Variants in ASPM observed in about 807,000 individuals in gnomAD.
ASPM encodes the protein abnormal spindle-like microcephaly-associated protein.
A neutral mutation model predicts 366.4 loss-of-function variants in ASPM; 256 were observed. The ratio of observed to expected loss-of-function variants is 0.70; its 90% confidence interval spans 0.63 to 0.77. ASPM has a LOEUF of 0.77. ASPM is among the 30% of genes least tolerant of loss of function. The pLI, the probability that ASPM is intolerant of heterozygous loss-of-function variation, is 0.00. For synonymous variants in ASPM, 1,414 were observed against 1,342.9 expected, an observed-to-expected ratio of 1.05 and a Z score of -1.16; for missense variants, 4,146 against 4,090.4, an observed-to-expected ratio of 1.01 and a Z score of -0.37.
chr1:197,099,835 A>T lies in ASPM; in HGVS notation c.8820+596T>A, dbSNP rs935189459. ...TGAAGTACTTAGATTCAGTTCCTGG[A>T]TCTGCCTCTCTCTATGCAACATTGG... On this transcript the variant is annotated intron_variant, in intron 18 of 27. Transcript: ENST00000367409. Among the ~76,000 whole-genome samples, 3 of 151,760 alleles carry T rather than the reference A, an allele frequency of 2.0e-5. No individual in the cohort carries two copies. The Admixed American group carries it at 2.0e-4, about 10-fold the overall frequency.
In ASPM at chr1:197,124,849, G is replaced by T. The variant is rs1416054309; in HGVS notation, c.3168+21C>A. On this transcript the variant is annotated intron_variant, in intron 12 of 27. Coordinates refer to ENST00000367409, the MANE Select transcript of ASPM (RefSeq NM_018136.5). ...TAATCAAAATTGATAAAAAATACAA[G>T]ATGTACCAAATGTATAATACCTGAA... 7 of 1,540,790 alleles carry T rather than the reference G, an allele frequency of 4.5e-6. No homozygotes were observed. In the Admixed American group the frequency reaches 1.2e-4, roughly 26 times the overall value.
chr1:197,086,906 GT>G lies in ASPM; in HGVS notation c.10227del (p.Lys3409AsnfsTer4), dbSNP rs1656608498. On this transcript the variant is annotated frameshift_variant, in exon 27 of 28. Coordinates refer to ENST00000367409, the MANE Select transcript of ASPM (RefSeq NM_018136.5). LOFTEE classifies it high-confidence loss of function. The stretch of plus-strand genomic sequence containing the variant: ...AGTATTCTTTCAGTATTCATTTTAT[GT>G]TTATGAGCTGTAAGTTTGTAGAGAC... Reference protein sequence around the residue: ...IYSLYKLTAHKHKMNTERILY... With the variant: ...IYSLYKLTAHXHKMNTERILY... 2 of 1,611,334 alleles carry G rather than the reference GT, an allele frequency of 1.2e-6. No individual in the cohort carries two copies. Among genetic ancestry groups the G allele is most frequent in the Admixed American group, 1.7e-5 (1 of 59,980 alleles).
intron 10 of ASPM, among the ~76,000 whole-genome samples, chr1:197,127,816 A>C (rs1376888626): frequency 6.6e-6 from 1 of 152,192 alleles, no homozygotes; most frequent in Non-Finnish European, 1.5e-5. Context: ...AACAAGGTTA[A>C]TACTACTAAA....
At chr1:197,145,015 T>G (rs1571632668) in intron 1 of ASPM, among the ~76,000 whole-genome samples, 1 of 152,012 alleles carries the variant, frequency 6.6e-6, no homozygotes, top group Non-Finnish European at 1.5e-5. Flanking sequence ...AGAAAAGAAA[T>G]CTGTCTTTCC....
Position 197,103,317 on chromosome 1 carries a change from C to T in ASPM, c.5934G>A (p.Gln1978=). Residue 1978 remains glutamine (Q), a synonymous_variant, in exon 18 of 28, where the codon CAG becomes CAA. Coordinates refer to ENST00000367409, the MANE Select transcript of ASPM (RefSeq NM_018136.5). ...QRQHKCAIII[Q]SYYRMHVQQK... is the part of the protein sequence containing the mutation. ...GTTGCACATGCATTCTATAGTATGA[C>T]TGTATGATGATAGCACATTTATGTT... is the stretch of plus-strand genomic sequence containing the variant. The T allele has an allele frequency of 6.2e-7, 1 of 1,613,112 alleles. No homozygotes were observed. The highest frequency in any genetic ancestry group is 8.5e-7 in the Non-Finnish European group (1 of 1,179,412).
At chr1:197,091,795 G>C (rs1656791964) in intron 22 of ASPM, 112 bp downstream of exon 22, 6 of 1,137,540 alleles carry the variant, frequency 5.3e-6, no homozygotes, top group Middle Eastern at 2.9e-4. Context: ...AAGGTGAAAG[G>C]CTAAATGTTG....
chr1:197,138,620 G>GA (rs1293486912), intron 4 of ASPM: 1 of 458,470 alleles, frequency 2.2e-6, no homozygotes, highest in African/African-American at 2.0e-5. Context: ...TTTAGTTAGG[G>GA]AAAATATACA....
chr1:197,142,223 A>C, intron 3 of ASPM, 108 bp downstream of exon 3: 1 of 1,218,522 alleles, frequency 8.2e-7, no homozygotes, highest in Non-Finnish European at 1.2e-6. Flanking sequence ...TGTACCCAGC[A>C]AATAAGTAAA....
Position 197,122,565 on chromosome 1 carries a change from C to A in ASPM, c.3421G>T (p.Gly1141Cys). Residue 1141 changes from glycine to cysteine, a missense_variant, in exon 14 of 28, where the codon GGC (glycine) becomes TGC (cysteine). By Grantham distance (159) the Gly-to-Cys change is radical. Coordinates refer to ENST00000367409, the MANE Select transcript of ASPM (RefSeq NM_018136.5). ...VENFTVSFSD[G>C]RVLCYLIHHY... ...TGGATCAGGTAACATAACACACGGC[C>A]GTCTGAGAAAGACACTGTAAAATTC... 6.2e-7 allele frequency: 1 copy of A among 1,610,962 alleles called. No homozygotes were observed. The highest frequency in any genetic ancestry group is 8.5e-7 in the Non-Finnish European group (1 of 1,178,438).
intron 17 of ASPM, among the ~76,000 whole-genome samples, chr1:197,113,725 A>T (rs1657657649): frequency 6.6e-6 from 1 of 152,182 alleles, no homozygotes; most frequent in Non-Finnish European, 1.5e-5. Context: ...CAACACACAT[A>T]CCAAATAGAG....
intron 9 of ASPM, 124 bp from the exon 10 acceptor site, chr1:197,128,789 CATT>C: frequency 1.3e-6 from 1 of 795,114 alleles, no homozygotes; most frequent in East Asian, 2.9e-5. Context: ...TCATATTATA[CATT>C]AATAATGCAA....
chr1:197,086,119 T>G (rs1656580947), intron 27 of ASPM, among the ~76,000 whole-genome samples: 1 of 152,118 alleles, frequency 6.6e-6, no homozygotes, highest in Non-Finnish European at 1.5e-5. Context: ...AGTTTATAAT[T>G]ATGAGTATAA....
chr1:197,112,213 A>G (rs953854673), intron 17 of ASPM, among the ~76,000 whole-genome samples: 2 of 152,180 alleles, frequency 1.3e-5, no homozygotes, highest in African/African-American at 4.8e-5. Context: ...TTGCAGGGAC[A>G]TGGATGGAGC....
At chr1:197,094,292 A>G (rs1007671663) in intron 19 of ASPM, 112 bp from the exon 20 acceptor site, 2 of 684,934 alleles carry the variant, frequency 2.9e-6, no homozygotes, top group Admixed American at 2.7e-5. Flanking sequence ...AAGAAAGGCA[A>G]TGACAGAATT....
intron 10 of ASPM, among the ~76,000 whole-genome samples, chr1:197,126,090 A>G (rs1365268175): frequency 6.6e-6 from 1 of 152,158 alleles, no homozygotes; most frequent in Non-Finnish European, 1.5e-5. Context: ...CTAACCGACT[A>G]AATAACATCA....
chr1:197,142,717 A>G lies in ASPM; in HGVS notation c.1535T>C (p.Ile512Thr). 6.2e-7 allele frequency: 1 copy of G among 1,613,870 alleles called. No individual in the cohort carries two copies. The highest frequency in any genetic ancestry group is 1.7e-4 in the Middle Eastern group (1 of 6,060). The change falls in exon 3 of 28, where the codon ATT becomes ACT. Residue 512 changes from isoleucine to threonine, a missense_variant. Ile to Thr is a moderately conservative substitution (Grantham distance 89, BLOSUM62 -1). Transcript: ENST00000367409. ...ACATCTTTTTGCTTTTGGTTTATTA[A>G]TCTCAGTTTGGTTTTCTCTGGTACA... ...ATCTRENQTE[I>T]NKPKAKRCLN...
At chr1:197,131,635 T>C (rs538708060) in intron 7 of ASPM, among the ~76,000 whole-genome samples, 1 of 151,550 alleles carries the variant, frequency 6.6e-6, no homozygotes, top group South Asian at 2.1e-4. Flanking sequence ...CTCGGCTAAC[T>C]GCAAGCTCCA....
At chr1:197,125,711 G>GT (rs1479664949) in intron 10 of ASPM, among the ~76,000 whole-genome samples, 1 of 151,946 alleles carries the variant, frequency 6.6e-6, no homozygotes, top group African/African-American at 2.4e-5. Flanking sequence ...CTAAAATCCA[G>GT]TTTTACTTGT....
At chr1:197,122,695 G>A (rs1557955917) in intron 13 of ASPM, 100 bp from the exon 14 acceptor site, 1 of 1,160,116 alleles carries the variant, frequency 8.6e-7, no homozygotes, top group East Asian at 2.6e-5. Flanking sequence ...AGAGACTGGA[G>A]TGACAAATCT....
Sources: gnomAD v4.1 joint callset for allele counts (sites outside exome capture counted in the v4.1 genomes callset) on GRCh38, gnomAD v4.1.1 for gene constraint, MANE v1.5 for transcripts, NCBI Gene and HGNC (gene_info 2026-07-23, HGNC 2026-07-21) for gene names.